RASA2: variants seen among roughly 807,000 people sequenced by gnomAD.
RASA2 encodes the protein ras GTPase-activating protein 2.
In RASA2, 155 loss-of-function variants were observed where a neutral mutation model predicts 118.2. That is an observed-to-expected ratio of 1.31 (90% confidence interval 1.15 to 1.50). The LOEUF is 1.50. Among genes scored for constraint, RASA2 ranks in the 40% most tolerant of loss-of-function variants. RASA2 has a pLI of 0.00. For missense variants in RASA2, 1,016 were observed against 1,009.6 expected (o/e 1.01, Z -0.09); for synonymous variants, 353 against 349.1 (o/e 1.01, Z -0.12).
intron 5 of RASA2, among the ~76,000 whole-genome samples, chr3:141,551,634 G>T (rs939504009): frequency 1.3e-4 from 20 of 152,160 alleles, no homozygotes; most frequent in African/African-American, 4.3e-4. Flanking sequence ...AGCTGGGGCA[G>T]TTGGAGGGCT....
At chr3:141,494,530 A>C (rs1390728655) in intron 1 of RASA2, among the ~76,000 whole-genome samples, 1 of 152,008 alleles carries the variant, frequency 6.6e-6, no homozygotes, top group Non-Finnish European at 1.5e-5. Flanking sequence ...CACCACGCCC[A>C]GCTAATTTTT....
At chr3:141,601,317 C>T (rs1287517848) in intron 19 of RASA2, among the ~76,000 whole-genome samples, 1 of 152,052 alleles carries the variant, frequency 6.6e-6, no homozygotes, top group Non-Finnish European at 1.5e-5. Flanking sequence ...ATCCCAGCTA[C>T]TCAGGAAGCT....
chr3:141,549,565 A>T (rs2082542278), intron 5 of RASA2, among the ~76,000 whole-genome samples: 1 of 151,884 alleles, frequency 6.6e-6, no homozygotes, highest in Non-Finnish European at 1.5e-5. Context: ...TGATGTGGAA[A>T]ATGCTTTGTA....
intron 23 of RASA2, 115 bp from the exon 24 acceptor site, chr3:141,612,168 T>C: frequency 2.6e-6 from 2 of 769,762 alleles, no homozygotes; most frequent in Non-Finnish European, 4.3e-6. Context: ...GAAACAACAT[T>C]TGGCATGAGA....
At chr3:141,581,559 C>A (rs2083114138) in intron 17 of RASA2, among the ~76,000 whole-genome samples, 1 of 152,120 alleles carries the variant, frequency 6.6e-6, no homozygotes, top group Non-Finnish European at 1.5e-5. Context: ...AAGTATGCCC[C>A]TGTTTTGACA....
intron 4 of RASA2, among the ~76,000 whole-genome samples, chr3:141,540,005 C>G (rs933564102): frequency 2.0e-5 from 3 of 152,048 alleles, no homozygotes; most frequent in Non-Finnish European, 4.4e-5. Flanking sequence ...GGATTCCTAC[C>G]CACTCCCACA....
intron 1 of RASA2, among the ~76,000 whole-genome samples, chr3:141,505,653 T>C (rs1319362142): frequency 6.6e-6 from 1 of 152,216 alleles, no homozygotes; most frequent in Non-Finnish European, 1.5e-5. Context: ...AGGGTTTTTG[T>C]GCCAGACTAA....
At chr3:141,560,093 G>A in intron 9 of RASA2, 98 bp downstream of exon 9, 1 of 931,208 alleles carries the variant, frequency 1.1e-6, no homozygotes. Context: ...TTTTAAATTT[G>A]CCATGTAATA....
At chr3:141,510,096 T>C (rs2081929376) in intron 1 of RASA2, among the ~76,000 whole-genome samples, 1 of 152,160 alleles carries the variant, frequency 6.6e-6, no homozygotes, top group African/African-American at 2.4e-5. Flanking sequence ...CTAATAGACT[T>C]CTCTAAAATA....
chr3:141,531,450 A>C (rs1021405722), intron 4 of RASA2, among the ~76,000 whole-genome samples: 2 of 151,554 alleles, frequency 1.3e-5, no homozygotes, highest in African/African-American at 4.8e-5. Flanking sequence ...ATATGTGTAT[A>C]TATGCATATG....
chr3:141,585,772 C>G (rs1230366652), intron 17 of RASA2, among the ~76,000 whole-genome samples: 1 of 152,140 alleles, frequency 6.6e-6, no homozygotes, highest in African/African-American at 2.4e-5. Flanking sequence ...TGCACTCCAG[C>G]CTGGGCAACA....
At position 141,535,650 on chromosome 3, in the gene RASA2, T is replaced by G. The variant is rs73238081; in HGVS notation, c.451-4883T>G. On this transcript the variant is annotated intron_variant, in intron 4 of 23. Coordinates refer to ENST00000286364, the MANE Select transcript of RASA2 (RefSeq NM_006506.5). ...GCTTCTGGTGAGTGCTTCAGGAAGCTTACAATCATGGTGGAAGGTAAACGG... is the reference window on the plus strand; with the variant it reads ...GCTTCTGGTGAGTGCTTCAGGAAGCGTACAATCATGGTGGAAGGTAAACGG... Among the ~76,000 whole-genome samples the G allele has an allele frequency of 6.4e-3, 976 of 152,268 alleles. 3 individuals are homozygous for G. The highest frequency in any genetic ancestry group is 0.011 in the Admixed American group (171 of 15,284).
At chr3:141,586,594 G>A in intron 18 of RASA2, 52 bp from the exon 19 acceptor site, 1 of 1,249,054 alleles carries the variant, frequency 8.0e-7, no homozygotes, top group South Asian at 1.4e-5. Flanking sequence ...TCTTTGTTTT[G>A]GATTAACTTT....
At chr3:141,524,366 A>G (rs959833140) in intron 3 of RASA2, among the ~76,000 whole-genome samples, 1 of 152,178 alleles carries the variant, frequency 6.6e-6, no homozygotes. Context: ...AGTCAGTGCT[A>G]TAGGAGACCA....
chr3:141,521,105 C>T (rs551771492), intron 3 of RASA2, among the ~76,000 whole-genome samples: 1 of 152,238 alleles, frequency 6.6e-6, no homozygotes, highest in Admixed American at 6.5e-5. Context: ...TACCGGGGTA[C>T]ATCTTAGTGG....
At chr3:141,517,281 A>T (rs900148346) in intron 3 of RASA2, among the ~76,000 whole-genome samples, 1 of 152,200 alleles carries the variant, frequency 6.6e-6, no homozygotes, top group African/African-American at 2.4e-5. Flanking sequence ...GTATTAGTCC[A>T]TTCTCACACT....
Position 141,586,772 on chromosome 3 carries a change from A to G in RASA2, c.1933+20A>G. Reference sequence around the variant, plus strand: ...AGCCAGGTAGTTGTGTTTATGCTTTATTGTGGGGTTTTTCCTGGTTCTCAG... The same window carrying G: ...AGCCAGGTAGTTGTGTTTATGCTTTGTTGTGGGGTTTTTCCTGGTTCTCAG... On this transcript the variant is annotated intron_variant, in intron 19 of 23. Transcript: ENST00000286364. The G allele has an allele frequency of 6.3e-7, 1 of 1,578,154 alleles. No homozygotes were observed. Among genetic ancestry groups the G allele is most frequent in the Non-Finnish European group, 8.7e-7 (1 of 1,148,368 alleles).
chr3:141,529,165 T>A (rs2082223470), intron 3 of RASA2, among the ~76,000 whole-genome samples: 1 of 152,100 alleles, frequency 6.6e-6, no homozygotes, highest in Admixed American at 6.6e-5. Context: ...TTGCAATGTT[T>A]TGATAAAAGT....
At chr3:141,489,370 CAT>C (rs1431392553) in intron 1 of RASA2, among the ~76,000 whole-genome samples, 8 of 152,148 alleles carry the variant, frequency 5.3e-5, no homozygotes, top group African/African-American at 1.9e-4. Flanking sequence ...CTGAAACTAA[CAT>C]GTGGGTTTTG....
Sources: allele counts gnomAD v4.1 joint callset (sites outside exome capture counted in the v4.1 genomes callset), GRCh38; gene constraint gnomAD v4.1.1; transcripts MANE v1.5; gene names NCBI Gene and HGNC (gene_info 2026-07-23, HGNC 2026-07-21).